The following THBS2 variants were observed in gnomAD, a reference collection of about 807,000 sequenced individuals.
The protein encoded by THBS2 is thrombospondin 2, also known as thrombospondin-2.
A neutral mutation model predicts 135.2 loss-of-function variants in THBS2; 47 were observed. That is an observed-to-expected ratio of 0.35 (90% CI 0.28 to 0.44). THBS2 has a LOEUF of 0.44. Among genes scored for constraint, THBS2 ranks in the 20% least tolerant of loss-of-function variants. The pLI, the probability that THBS2 is intolerant of heterozygous loss-of-function variation, is 1.00. For synonymous variants in THBS2, 639 were observed against 633.8 expected, an observed-to-expected ratio of 1.01 and a Z score of -0.12; for missense variants, 1,288 against 1,603.1, an observed-to-expected ratio of 0.80 and a Z score of 3.36.
chr6:169,234,982 G>T, intron 9 of THBS2, 75 bp from the exon 10 acceptor site: 1 of 1,454,754 alleles, frequency 6.9e-7, no homozygotes, highest in Non-Finnish European at 9.3e-7. Flanking sequence ...GAGTGAGAGG[G>T]AAGAGCAGGT....
At chr6:169,222,494 T>C (rs1562353585) in intron 18 of THBS2, 26 bp from the exon 19 acceptor site, 1 of 1,601,602 alleles carries the variant, frequency 6.2e-7, no homozygotes, top group Non-Finnish European at 8.5e-7. Flanking sequence ...TAAGGTTTCG[T>C]TAGAAACACC....
chr6:169,232,914 G>A lies in THBS2; in HGVS notation c.1755C>T (p.Gly585=), dbSNP rs1779898231. The change falls in exon 11 of 22, where the codon GGC becomes GGT. Residue 585 remains glycine, a synonymous_variant. Coordinates refer to ENST00000617924, the MANE Select transcript of THBS2 (RefSeq NM_003247.5). ...GSCPVGFLGN[G]THCEDLDECA... ...CCTCGTCCAGGTCCTCACAGTGGGT[G>A]CCATTGCCCAAGAAGCCCACAGGGC... 1.9e-6 allele frequency: 3 copies of A among 1,588,010 alleles called. No homozygotes were observed. In the South Asian group the frequency reaches 3.4e-5, roughly 18 times the overall value.
intron 6 of THBS2, 111 bp from the exon 7 acceptor site, chr6:169,239,806 C>A: frequency 3.7e-6 from 3 of 801,854 alleles, no homozygotes; most frequent in Non-Finnish European, 4.1e-6. Context: ...TTCCATCCTA[C>A]GGACCATACA....
intron 9 of THBS2, among the ~76,000 whole-genome samples, chr6:169,236,639 A>C (rs1406906019): frequency 9.5e-6 from 1 of 104,988 alleles, no homozygotes; most frequent in East Asian, 3.1e-4. Flanking sequence ...ACTCCCATCC[A>C]CACTCGCCAT....
chr6:169,246,389 G>T, intron 3 of THBS2, 108 bp from the exon 4 acceptor site: 1 of 893,946 alleles, frequency 1.1e-6, no homozygotes, highest in Non-Finnish European at 1.8e-6. Context: ...CAAGTAGTGA[G>T]AGTATTTCCT....
chr6:169,229,362 G>A (rs1443651885), intron 14 of THBS2, among the ~76,000 whole-genome samples: 16 of 152,130 alleles, frequency 1.1e-4, no homozygotes, highest in Admixed American at 1.0e-3. Flanking sequence ...AACATTTCCG[G>A]CAGCACACCC....
intron 1 of THBS2, among the ~76,000 whole-genome samples, 165 bp downstream of exon 1, chr6:169,253,559 C>A (rs1780821577): frequency 6.6e-6 from 1 of 152,200 alleles, no homozygotes; most frequent in Non-Finnish European, 1.5e-5. Context: ...AGAAACACCA[C>A]GTGAAGAAAC....
intron 7 of THBS2, chr6:169,239,305 A>T: frequency 2.3e-6 from 1 of 442,216 alleles, no homozygotes. Context: ...CTGGGGCTCC[A>T]TCGGGGCCTG....
intron 21 of THBS2, chr6:169,219,830 C>CCTCCTTCT: frequency 2.5e-6 from 1 of 402,542 alleles, no homozygotes; most frequent in East Asian, 5.9e-5. Flanking sequence ...AAACTCCTTC[C>CCTCCTTCT]TTCCTTCTTT....
Position 169,252,319 on chromosome 6 carries a change from CG to C in THBS2, c.-23+1404del, listed in dbSNP as rs1209228838. 2.0e-5 allele frequency among the ~76,000 whole-genome samples: 3 copies of C among 152,216 alleles called. No homozygotes were observed. The highest frequency in any genetic ancestry group is 6.5e-5 in the Admixed American group (1 of 15,294). On this transcript the variant is annotated intron_variant, in intron 1 of 21. Transcript: ENST00000617924. This position sits in a 1 kb window ranked among gnomAD's most constrained non-coding sequence, Gnocchi z 4.3. ...CCTGCATGCAGTAAGCACCACAGAA[CG>C]GTGTTAGAATACACAGCTCAGGTAC...
chr6:169,239,583 G>T lies in THBS2; in HGVS notation c.1129+16C>A. On this transcript the variant is annotated intron_variant, in intron 7 of 21. Transcript: ENST00000617924. ...CCTAAAAATGCAGGATGCGCTTGCC[G>T]GCTGGCGATACTCACAGTGGAGGCA... 6.3e-7 allele frequency: 1 copy of T among 1,584,706 alleles called. No individual in the cohort carries two copies. Among genetic ancestry groups the T allele is most frequent in the Non-Finnish European group, 8.6e-7 (1 of 1,164,238 alleles).
intron 18 of THBS2, 108 bp downstream of exon 18, chr6:169,223,140 A>G (rs1020120945): frequency 1.9e-6 from 2 of 1,049,500 alleles, no homozygotes; most frequent in Non-Finnish European, 2.7e-6. Context: ...GGCTTCCAGA[A>G]AGACCACATG....
At chr6:169,239,494 G>T in intron 7 of THBS2, 105 bp downstream of exon 7, 1 of 1,056,664 alleles carries the variant, frequency 9.5e-7, no homozygotes, top group South Asian at 1.5e-5. Context: ...TACTCAGGGG[G>T]CTGAACCTCA....
At chr6:169,218,039 GA>G (rs1779243715) in intron 21 of THBS2, among the ~76,000 whole-genome samples, 1 of 68,716 alleles carries the variant, frequency 1.5e-5, no homozygotes. Context: ...GTGGGTGGAT[GA>G]GATGGATGGA....
chr6:169,231,910 T>C, intron 13 of THBS2, 70 bp downstream of exon 13: 1 of 1,497,042 alleles, frequency 6.7e-7, no homozygotes, highest in Non-Finnish European at 9.1e-7. Context: ...CCCGTCCGCG[T>C]AGCGTCCCCG....
At chr6:169,238,131 T>C (rs779651838) in intron 7 of THBS2, among the ~76,000 whole-genome samples, 8 of 152,244 alleles carry the variant, frequency 5.3e-5, no homozygotes, top group Non-Finnish European at 1.2e-4. Flanking sequence ...CCAAAGACAG[T>C]GTTGAATCTT....
rs2115018550 is a variant in THBS2, at chr6:169,241,977, G to A, written c.695-19C>T. ...ATCTCAGCTGAGGGCAAGCGTAGAAGGGCCGTGAGCATCACAGAGGACGGG... is the reference window on the plus strand; with the variant it reads ...ATCTCAGCTGAGGGCAAGCGTAGAAAGGCCGTGAGCATCACAGAGGACGGG... On this transcript the variant is annotated intron_variant, in intron 4 of 21. Transcript: ENST00000617924. The surrounding 1 kb of genome is among the most constrained non-coding windows in gnomAD (Gnocchi z 5.5). The A allele has an allele frequency of 1.1e-5, 18 of 1,596,108 alleles. No homozygotes were observed. Among genetic ancestry groups the A allele is most frequent in the Non-Finnish European group, 1.5e-5 (18 of 1,169,666 alleles).
intron 21 of THBS2, among the ~76,000 whole-genome samples, chr6:169,218,207 G>T (rs1779256685): frequency 7.1e-6 from 1 of 140,030 alleles, no homozygotes; most frequent in African/African-American, 2.7e-5. Context: ...GAGATGAATG[G>T]GTGGATGGAT....
intron 20 of THBS2, among the ~76,000 whole-genome samples, chr6:169,220,648 T>C (rs965120060): frequency 7.9e-5 from 12 of 152,168 alleles, no homozygotes; most frequent in African/African-American, 2.4e-4. Context: ...AGCTTCCCAC[T>C]TCCTGGGAAG....
Sources: allele counts gnomAD v4.1 joint callset (sites outside exome capture counted in the v4.1 genomes callset), GRCh38; gene constraint gnomAD v4.1.1; non-coding constraint Gnocchi (gnomAD v3.1); transcripts MANE v1.5; gene names NCBI Gene and HGNC (gene_info 2026-07-23, HGNC 2026-07-21).